The following TANC2 variants were observed in gnomAD, a reference collection of about 807,000 sequenced individuals.
TANC2 encodes the protein tetratricopeptide repeat, ankyrin repeat and coiled-coil containing 2.
TANC2 carries 26 observed loss-of-function variants against 210.5 expected under a neutral mutation model. The observed-to-expected ratio is 0.12, with a 90% CI of 0.09 to 0.17. TANC2 has a LOEUF of 0.17. TANC2 is among the 10% of genes least tolerant of loss of function. The probability of loss-of-function intolerance (pLI) is 1.00; values close to 1 mark genes in which losing one functional copy is unlikely to be tolerated. For synonymous variants in TANC2, 931 were observed against 967.1 expected (o/e 0.96, Z 0.69); for missense variants, 2,129 against 2,608.9 (o/e 0.82, Z 4.01).
rs149758225 is a variant in TANC2, at chr17:63,146,367, A to G, written c.323-4903A>G. ...CAAACAGATAATTTTACTTCTTTCTACTTTGGATGCCTTGTATTTCTTTTT... is the reference window on the plus strand; with the variant it reads ...CAAACAGATAATTTTACTTCTTTCTGCTTTGGATGCCTTGTATTTCTTTTT... On this transcript the variant is annotated intron_variant, in intron 4 of 27. Coordinates refer to ENST00000689528, the Ensembl canonical transcript of TANC2. Among the ~76,000 whole-genome samples the G allele has an allele frequency of 6.5e-4, 99 of 152,114 alleles. 1 individual carries two copies. The East Asian group carries it at 0.017, about 26-fold the overall frequency.
intron 3 of TANC2, among the ~76,000 whole-genome samples, chr17:63,094,820 A>G (rs542167069): frequency 2.0e-5 from 3 of 152,194 alleles, no homozygotes; most frequent in East Asian, 3.9e-4. Context: ...AGCATAACTG[A>G]ATTTTTTCTG....
chr17:62,972,134 T>C (rs2031733073), intron 1 of TANC2, among the ~76,000 whole-genome samples: 1 of 152,152 alleles, frequency 6.6e-6, no homozygotes, highest in Admixed American at 6.5e-5. Context: ...TATAATACCA[T>C]AATTTTTTCT....
At chr17:63,183,064 A>T (rs1008711697) in intron 5 of TANC2, among the ~76,000 whole-genome samples, 3 of 107,920 alleles carry the variant, frequency 2.8e-5, no homozygotes, top group African/African-American at 1.6e-4. Context: ...GAGGCCACAT[A>T]ATAGGACCTT....
rs2045260153 is a variant in TANC2, at chr17:63,314,751, T to C, written c.1441+82T>C. On this transcript the variant is annotated intron_variant, in intron 10 of 27. Transcript: ENST00000689528. ...ATATTTATATTAGGTCGTATATCCTTTTATTTTCTCATCTGCAAAACCTGA... is the reference window on the plus strand; with the variant it reads ...ATATTTATATTAGGTCGTATATCCTCTTATTTTCTCATCTGCAAAACCTGA... 4.0e-6 allele frequency: 6 copies of C among 1,513,650 alleles called. No homozygotes were observed. In the African/African-American group the frequency reaches 4.2e-5, roughly 10 times the overall value. 93.8% of individuals were successfully genotyped at this position (1,513,650 alleles called of 1,614,324 possible).
chr17:63,248,784 A>G (rs2042982246), intron 8 of TANC2, among the ~76,000 whole-genome samples: 1 of 152,186 alleles, frequency 6.6e-6, no homozygotes, highest in Admixed American at 6.5e-5. Context: ...CTTGATTTTA[A>G]AAAGAACAGA....
chr17:63,195,080 ATATATT>A (rs1323132629), intron 6 of TANC2, among the ~76,000 whole-genome samples: 3 of 152,156 alleles, frequency 2.0e-5, no homozygotes, highest in Non-Finnish European at 4.4e-5. Flanking sequence ...GATTATTTGA[ATATATT>A]TATATATTGT....
At chr17:63,097,699 C>CT (rs2037441471) in intron 3 of TANC2, among the ~76,000 whole-genome samples, 2 of 152,116 alleles carry the variant, frequency 1.3e-5, no homozygotes. Flanking sequence ...ATGTTAGACT[C>CT]TATCAGATAC....
chr17:63,342,669 G>A (rs971735921), intron 12 of TANC2, among the ~76,000 whole-genome samples: 3 of 147,228 alleles, frequency 2.0e-5, no homozygotes, highest in Non-Finnish European at 4.6e-5. Context: ...CCAGCTACTC[G>A]GGAGGCTGAG....
At chr17:63,167,905 A>G (rs978282898) in intron 5 of TANC2, among the ~76,000 whole-genome samples, 41 of 150,782 alleles carry the variant, frequency 2.7e-4, no homozygotes, top group African/African-American at 6.8e-4. Flanking sequence ...AAAAAAAAAA[A>G]AAAAGAAAAG....
rs755935304 is a variant in TANC2 at position 63,239,573 on chromosome 17, TA to T, written c.1033+1498del. ...GGAAATGGCTCATCTGAAAGATAAG[TA>T]ACTATGGAAGATTTTAATATTAATT... On this transcript the variant is annotated intron_variant, in intron 8 of 27. Coordinates refer to ENST00000689528, the Ensembl canonical transcript of TANC2. Among the ~76,000 whole-genome samples, 17 of 152,308 alleles carry T rather than the reference TA, an allele frequency of 1.1e-4. No homozygotes were observed. The East Asian group carries it at 2.5e-3, about 22-fold the overall frequency.
chr17:63,363,025 C>G (rs1318957502), intron 14 of TANC2, among the ~76,000 whole-genome samples: 1 of 152,230 alleles, frequency 6.6e-6, no homozygotes, highest in Non-Finnish European at 1.5e-5. Flanking sequence ...ACATCCTTCT[C>G]AGCATTTGTT....
At chr17:63,092,090 G>T (rs2037218994) in intron 3 of TANC2, among the ~76,000 whole-genome samples, 1 of 151,984 alleles carries the variant, frequency 6.6e-6, no homozygotes, top group South Asian at 2.1e-4. Context: ...TCTTTTTATT[G>T]CTGAGTAAGA....
intron 7 of TANC2, among the ~76,000 whole-genome samples, chr17:63,229,567 T>C (rs1000615178): frequency 1.3e-5 from 2 of 151,774 alleles, no homozygotes; most frequent in African/African-American, 4.8e-5. Context: ...TTTTTTTTTT[T>C]TTTTGGTTGG....
At chr17:62,988,428 G>C (rs1045217467) in intron 1 of TANC2, among the ~76,000 whole-genome samples, 1 of 151,522 alleles carries the variant, frequency 6.6e-6, no homozygotes, top group Non-Finnish European at 1.5e-5. Flanking sequence ...GTGAGCCACT[G>C]TGCCTGGCCA....
intron 21 of TANC2, 140 bp downstream of exon 21, chr17:63,406,417 C>T: frequency 8.5e-7 from 1 of 1,170,316 alleles, no homozygotes; most frequent in Non-Finnish European, 1.2e-6. Flanking sequence ...TATCTCCTCC[C>T]CTCTTGTATT....
At chr17:63,342,179 T>C (rs1275788399) in intron 12 of TANC2, among the ~76,000 whole-genome samples, 5 of 152,074 alleles carry the variant, frequency 3.3e-5, no homozygotes, top group African/African-American at 1.2e-4. Context: ...AATATATATA[T>C]GTATTTATGG....
intron 4 of TANC2, chr17:63,150,282 T>C (rs2039602828): frequency 6.6e-6 from 1 of 152,176 alleles, no homozygotes; most frequent in East Asian, 1.9e-4. Context: ...ACTAATACTT[T>C]GTGCCAGTAC....
At chr17:63,319,492 A>C (rs544288858) in intron 11 of TANC2, among the ~76,000 whole-genome samples, 2 of 152,170 alleles carry the variant, frequency 1.3e-5, no homozygotes, top group Non-Finnish European at 2.9e-5. Flanking sequence ...CTGGGACTAC[A>C]GGTGCGTGCC....
intron 2 of TANC2, among the ~76,000 whole-genome samples, chr17:63,069,834 A>T (rs1250251582): frequency 6.6e-6 from 1 of 152,136 alleles, no homozygotes; most frequent in Non-Finnish European, 1.5e-5. Flanking sequence ...ACTTCTTATA[A>T]ATAATTACAA....
Sources: gnomAD v4.1 joint callset for allele counts (sites outside exome capture counted in the v4.1 genomes callset) on GRCh38, gnomAD v4.1.1 for gene constraint, MANE v1.5 for transcripts, NCBI Gene and HGNC (gene_info 2026-07-23, HGNC 2026-07-21) for gene names.